Variants in FAM120B observed in about 807,000 individuals in gnomAD.
FAM120B encodes the protein family with sequence similarity 120 member B.
A neutral mutation model predicts 96.3 loss-of-function variants in FAM120B; 83 were observed. That is an observed-to-expected ratio of 0.86 (90% CI 0.72 to 1.03). FAM120B has a LOEUF of 1.03. FAM120B is among the 50% of genes least tolerant of loss of function. The pLI, the probability that FAM120B is intolerant of heterozygous loss-of-function variation, is 0.00. For synonymous variants in FAM120B, 407 were observed against 402.7 expected (o/e 1.01, Z -0.13); for missense variants, 1,027 against 1,121.2 (o/e 0.92, Z 1.20).
chr6:170,326,698 A>T lies in FAM120B; in HGVS notation c.1915+3439A>T, dbSNP rs545347771. 5.9e-5 allele frequency among the ~76,000 whole-genome samples: 9 copies of T among 152,284 alleles called. 1 individual carries two copies. Among genetic ancestry groups the T allele is most frequent in the African/African-American group, 2.2e-4 (9 of 41,568 alleles). On this transcript the variant is annotated intron_variant, in intron 3 of 10. Coordinates refer to ENST00000476287, the MANE Select transcript of FAM120B (RefSeq NM_032448.3). ...TGTGGCTGTGTGCCAGGAAGCCTTT[A>T]TTCAATTTTCCCATGTGACAGAACT...
intron 4 of FAM120B, chr6:170,330,883 G>C: frequency 3.9e-6 from 1 of 258,270 alleles, no homozygotes; most frequent in Non-Finnish European, 7.4e-6. Flanking sequence ...AGTGCCTGAT[G>C]TCTAGTTGTT....
chr6:170,290,768 A>T, upstream of FAM120B: 1 of 508,448 alleles, frequency 2.0e-6, no homozygotes. This position sits in a 1 kb window ranked among gnomAD's most constrained non-coding sequence, Gnocchi z 4.7. Flanking sequence ...CACAGCAAAG[A>T]TCCGCGTCTT....
chr6:170,330,004 G>A (rs912608821), intron 3 of FAM120B, among the ~76,000 whole-genome samples: 1 of 152,106 alleles, frequency 6.6e-6, no homozygotes. Context: ...CCTGTTCTCT[G>A]CTGACCTCCT....
chr6:170,382,677 G>A (rs1331680225), intron 6 of FAM120B, among the ~76,000 whole-genome samples: 9 of 152,120 alleles, frequency 5.9e-5, no homozygotes, highest in Non-Finnish European at 7.4e-5. Context: ...GACACATACC[G>A]TGTTCATGTA....
chr6:170,371,076 A>G (rs571222054), intron 6 of FAM120B, among the ~76,000 whole-genome samples: 5 of 152,250 alleles, frequency 3.3e-5, no homozygotes, highest in South Asian at 4.2e-4. Context: ...TTCAGCCACA[A>G]TCAATTTTAG....
chr6:170,337,428 T>A (rs531227954), intron 4 of FAM120B, among the ~76,000 whole-genome samples: 121 of 152,112 alleles, frequency 8.0e-4, no homozygotes, highest in Non-Finnish European at 1.1e-3. Context: ...CTGGATTTGG[T>A]TTGCCATTAT....
At chr6:170,319,407 C>T (rs972056555) in intron 2 of FAM120B, among the ~76,000 whole-genome samples, 2 of 152,192 alleles carry the variant, frequency 1.3e-5, no homozygotes, top group African/African-American at 4.8e-5. Flanking sequence ...TGGCTCATGC[C>T]TGTAATCCCA....
chr6:170,297,107 C>T (rs1784032088), intron 1 of FAM120B, among the ~76,000 whole-genome samples: 1 of 152,206 alleles, frequency 6.6e-6, no homozygotes, highest in African/African-American at 2.4e-5. Flanking sequence ...AGAAACGTGG[C>T]GCGCACCCGC....
chr6:170,312,739 C>T (rs1024950268), intron 1 of FAM120B, among the ~76,000 whole-genome samples: 10 of 152,082 alleles, frequency 6.6e-5, no homozygotes, highest in African/African-American at 2.4e-4. Context: ...TTTGTTCAAA[C>T]AGTAGGAAGA....
intron 1 of FAM120B, among the ~76,000 whole-genome samples, chr6:170,298,972 G>A (rs1276732859): frequency 6.6e-6 from 1 of 152,204 alleles, no homozygotes; most frequent in East Asian, 1.9e-4. Context: ...TTCCTCACTG[G>A]CTTGTTCACT....
chr6:170,296,254 C>T lies in FAM120B; in HGVS notation c.48+801C>T, dbSNP rs116153525. Among the ~76,000 whole-genome samples the T allele has an allele frequency of 6.1e-3, 921 of 152,164 alleles. 12 individuals are homozygous for T. Among genetic ancestry groups the T allele is most frequent in the African/African-American group, 0.021 (855 of 41,530 alleles). On this transcript the variant is annotated intron_variant, in intron 1 of 10. Coordinates refer to the FAM120B transcript ENST00000537664. ...GGGGGTTAGAAGGAGGCCGCGTGTC[C>T]CAGGGAGGGGCTGTTTTCAGTGCGA...
At chr6:170,311,386 T>G (rs10484503) in intron 1 of FAM120B, among the ~76,000 whole-genome samples, 17,282 of 152,282 alleles carry the variant, frequency 0.11, 1,310 homozygotes, top group East Asian at 0.31. Context: ...TCCCCATTTC[T>G]ACACTTGATG....
At chr6:170,319,455 G>T (rs1785150692) in intron 2 of FAM120B, among the ~76,000 whole-genome samples, 1 of 152,166 alleles carries the variant, frequency 6.6e-6, no homozygotes, top group Non-Finnish European at 1.5e-5. Context: ...GTCACCTGAG[G>T]TCAGGAGTTC....
intron 5 of FAM120B, among the ~76,000 whole-genome samples, chr6:170,356,691 A>G (rs1444108916): frequency 1.3e-5 from 2 of 152,074 alleles, no homozygotes; most frequent in African/African-American, 4.8e-5. Flanking sequence ...GTATTTTTCC[A>G]TCTGCATTTG....
At chr6:170,355,081 G>A (rs9366144) in intron 5 of FAM120B, among the ~76,000 whole-genome samples, 16,060 of 152,156 alleles carry the variant, frequency 0.11, 1,040 homozygotes, top group East Asian at 0.2. Flanking sequence ...AAATGGTGGC[G>A]AGGTTGCAGA....
At chr6:170,400,632 C>A (rs1778521482) in intron 9 of FAM120B, among the ~76,000 whole-genome samples, 3 of 152,200 alleles carry the variant, frequency 2.0e-5, no homozygotes, top group Admixed American at 1.3e-4. Context: ...AGCATCCAGG[C>A]AGAGGGGATC....
At position 170,317,429 on chromosome 6, in the gene FAM120B, C is replaced by G. The variant is rs973471409; in HGVS notation, c.39C>G (p.Thr13=). Residue 13 remains threonine (T), a synonymous_variant, in exon 2 of 11, where the codon ACC becomes ACG. Transcript: ENST00000476287. ...GTTTGCAAGGATTTGTGGGAAGTAC[C>G]TGCCCACATATATGTACAGTAGTAA... ...VRGLQGFVGS[T]CPHICTVVNF... 2 of 1,612,866 alleles carry G rather than the reference C, an allele frequency of 1.2e-6. No individual in the cohort carries two copies. The highest frequency in any genetic ancestry group is 8.5e-7 in the Non-Finnish European group (1 of 1,179,074).
At chr6:170,360,363 G>A (rs765028260) in intron 6 of FAM120B, among the ~76,000 whole-genome samples, 19 of 152,166 alleles carry the variant, frequency 1.2e-4, no homozygotes, top group Non-Finnish European at 2.4e-4. Context: ...TTCGATCTTC[G>A]TTTCCACACC....
intron 1 of FAM120B, among the ~76,000 whole-genome samples, chr6:170,315,935 A>C (rs899009629): frequency 6.6e-6 from 1 of 151,462 alleles, no homozygotes; most frequent in Admixed American, 6.6e-5. Context: ...GGAAAAAAAA[A>C]AAAAGGCCAG....
Sources: allele counts gnomAD v4.1 joint callset (sites outside exome capture counted in the v4.1 genomes callset), GRCh38; gene constraint gnomAD v4.1.1; non-coding constraint Gnocchi (gnomAD v3.1); transcripts MANE v1.5; gene names NCBI Gene and HGNC (gene_info 2026-07-23, HGNC 2026-07-21).